N4BP1: variants seen among roughly 807,000 people sequenced by gnomAD.
The protein encoded by N4BP1 is NEDD4 binding protein 1.
A neutral mutation model predicts 70.9 loss-of-function variants in N4BP1; 21 were observed. The ratio of observed to expected loss-of-function variants is 0.30; its 90% CI spans 0.21 to 0.43. N4BP1 has a LOEUF of 0.43. Among genes scored for constraint, N4BP1 ranks in the 20% least tolerant of loss-of-function variants. The pLI, the probability that N4BP1 is intolerant of heterozygous loss-of-function variation, is 1.00. For missense variants in N4BP1, 936 were observed against 1,069.4 expected (o/e 0.88, Z 1.74); for synonymous variants, 387 against 394.6 (o/e 0.98, Z 0.23).
chr16:48,607,878 T>C (rs1964608284), intron 1 of N4BP1, among the ~76,000 whole-genome samples: 1 of 143,314 alleles, frequency 7.0e-6, no homozygotes, highest in Admixed American at 7.1e-5. Context: ...TGTTTTGTTT[T>C]GTTGAGACGG....
intron 2 of N4BP1, 51 bp from the exon 3 acceptor site, chr16:48,553,720 C>G (rs1963708819): frequency 2.8e-6 from 4 of 1,405,704 alleles, no homozygotes; most frequent in Non-Finnish European, 3.8e-6. Context: ...CTGTTTAAAG[C>G]ACAGTAAGTT....
intron 1 of N4BP1, among the ~76,000 whole-genome samples, chr16:48,602,733 T>C (rs890065006): frequency 2.0e-5 from 3 of 151,960 alleles, no homozygotes; most frequent in African/African-American, 7.3e-5. Flanking sequence ...AACAAATCAA[T>C]TGTTCAAGAA....
rs1292635030 is a variant in N4BP1, at chr16:48,551,471, A to G, written c.2032T>C (p.Leu678=). 1 of 1,613,100 alleles carries G rather than the reference A, an allele frequency of 6.2e-7. No individual in the cohort carries two copies. The highest frequency in any genetic ancestry group is 8.5e-7 in the Non-Finnish European group (1 of 1,179,174). ...RDPNVTEQHF[L]TQLQELGILS... ...ATTCCGAGCTCCTGGAGCTGGGTTA[A>G]GAAGTGCTGTTCTGTTCATGGAATA... The change falls in exon 4 of 7, where the codon TTA becomes CTA. Residue 678 remains leucine (L), a synonymous_variant. Coordinates refer to ENST00000262384, the MANE Select transcript of N4BP1 (RefSeq NM_153029.4).
At chr16:48,580,585 C>G (rs1025120099) in intron 1 of N4BP1, among the ~76,000 whole-genome samples, 3 of 151,994 alleles carry the variant, frequency 2.0e-5, no homozygotes, top group Admixed American at 6.6e-5. Context: ...TTTTTGAGGC[C>G]AGCATTACCC....
chr16:48,585,933 T>A (rs1439867933), intron 1 of N4BP1, among the ~76,000 whole-genome samples: 1 of 152,080 alleles, frequency 6.6e-6, no homozygotes, highest in African/African-American at 2.4e-5. Flanking sequence ...TGATCTCAAG[T>A]GATCCGCCCG....
intron 1 of N4BP1, among the ~76,000 whole-genome samples, chr16:48,564,263 A>C (rs1963905341): frequency 6.6e-6 from 1 of 152,212 alleles, no homozygotes; most frequent in African/African-American, 2.4e-5. Flanking sequence ...TTCTTCACCA[A>C]GCCTGGGGTA....
chr16:48,591,832 T>C (rs1964343632), intron 1 of N4BP1, among the ~76,000 whole-genome samples: 1 of 151,318 alleles, frequency 6.6e-6, no homozygotes, highest in Admixed American at 6.6e-5. Context: ...TGAAAGTGGA[T>C]AGATCGCTCT....
intron 1 of N4BP1, among the ~76,000 whole-genome samples, chr16:48,565,584 A>G (rs1256522908): frequency 1.3e-5 from 2 of 152,196 alleles, no homozygotes; most frequent in Non-Finnish European, 2.9e-5. Flanking sequence ...TCTGGTCTAC[A>G]GTTTTCCTTT....
chr16:48,571,922 TG>T (rs1010694836), intron 1 of N4BP1, among the ~76,000 whole-genome samples: 2 of 152,020 alleles, frequency 1.3e-5, no homozygotes, highest in Admixed American at 1.3e-4. Context: ...ACAGGAAGCC[TG>T]GGTGAGGTCA....
rs1278747319 is a variant in N4BP1 at position 48,551,490 on chromosome 16, T to C, written c.2021-8A>G. The C allele has an allele frequency of 2.5e-6, 4 of 1,593,456 alleles. No individual in the cohort carries two copies. Among genetic ancestry groups the C allele is most frequent in the Non-Finnish European group, 3.4e-6 (4 of 1,164,234 alleles). On this transcript the variant is annotated splice_region_variant and splice_polypyrimidine_tract_variant and intron_variant, in intron 3 of 6. Transcript: ENST00000262384. ...GGGTTAAGAAGTGCTGTTCTGTTCATGGAATAAGTTGAATATACATTCAGA... is the reference window on the plus strand; with the variant it reads ...GGGTTAAGAAGTGCTGTTCTGTTCACGGAATAAGTTGAATATACATTCAGA...
chr16:48,586,065 T>C (rs1259777624), intron 1 of N4BP1, among the ~76,000 whole-genome samples: 1 of 152,242 alleles, frequency 6.6e-6, no homozygotes, highest in African/African-American at 2.4e-5. Context: ...AGATCATTAA[T>C]TAACTTCAAG....
chr16:48,587,420 T>G (rs1038032283), intron 1 of N4BP1: 3 of 152,220 alleles, frequency 2.0e-5, no homozygotes, highest in Non-Finnish European at 4.4e-5. Context: ...TGAAATATAG[T>G]TGATTTTTTA....
At chr16:48,554,931 G>A (rs962766740) in intron 2 of N4BP1, among the ~76,000 whole-genome samples, 14 of 152,134 alleles carry the variant, frequency 9.2e-5, no homozygotes, top group African/African-American at 1.7e-4. Context: ...ACCCCTCCTC[G>A]TCTGACTCGT....
At chr16:48,548,837 CAAAAAA>C (rs34869645) in intron 4 of N4BP1, among the ~76,000 whole-genome samples, 2 of 71,748 alleles carry the variant, frequency 2.8e-5, no homozygotes, top group African/African-American at 9.2e-5. Context: ...GAGACTGCTT[CAAAAAA>C]AAAAAAAAAA....
chr16:48,557,999 G>A (rs1210537623), intron 2 of N4BP1, among the ~76,000 whole-genome samples: 2 of 152,030 alleles, frequency 1.3e-5, no homozygotes, highest in Non-Finnish European at 2.9e-5. Flanking sequence ...AAATTCACAC[G>A]ACTAAAATAA....
At chr16:48,578,028 G>T in intron 1 of N4BP1, 2 of 155,372 alleles carry the variant, frequency 1.3e-5, no homozygotes, top group South Asian at 3.4e-4. Context: ...CAAATGCCTT[G>T]AACCTGATGT....
intron 1 of N4BP1, chr16:48,577,565 A>G (rs1284143054): frequency 9.8e-6 from 2 of 204,706 alleles, no homozygotes; most frequent in Non-Finnish European, 1.0e-5. Context: ...CTTTGCATGG[A>G]GACTCTGGTG....
chr16:48,552,428 G>T (rs1416802758), intron 3 of N4BP1, among the ~76,000 whole-genome samples: 1 of 151,804 alleles, frequency 6.6e-6, no homozygotes, highest in African/African-American at 2.4e-5. Context: ...GGCAGGGCGT[G>T]GTGGCTCCTG....
Position 48,561,153 on chromosome 16 carries a change from G to GC in N4BP1, c.1489dup (p.Ala497GlyfsTer27). 1.2e-6 allele frequency: 2 copies of GC among 1,614,016 alleles called. No individual in the cohort carries two copies. Among genetic ancestry groups the GC allele is most frequent in the Non-Finnish European group, 1.7e-6 (2 of 1,179,888 alleles). On this transcript the variant is annotated frameshift_variant, in exon 2 of 7. Transcript: ENST00000262384. LOFTEE classifies it high-confidence loss of function. ...ATTGACTTCTTTGGGACTTGGAGAG[G>GC]CAACAGAAGGTGAAAGGCCATCAGT...
Sources: gnomAD v4.1 joint callset for allele counts (sites outside exome capture counted in the v4.1 genomes callset) on GRCh38, gnomAD v4.1.1 for gene constraint, MANE v1.5 for transcripts, NCBI Gene and HGNC (gene_info 2026-07-23, HGNC 2026-07-21) for gene names.